Variants in KAZN observed in about 807,000 individuals in gnomAD.
KAZN encodes kazrin.
KAZN carries 40 observed loss-of-function variants against 87.4 expected under a neutral mutation model. The observed-to-expected ratio is 0.46, with a 90% confidence interval of 0.36 to 0.60. KAZN has a LOEUF of 0.60. Ranked by LOEUF, KAZN falls within the 20% of genes least tolerant of loss-of-function variation. The probability of loss-of-function intolerance (pLI) is 0.00; values close to 1 mark genes in which losing one functional copy is unlikely to be tolerated. For synonymous variants in KAZN, 466 were observed against 458.3 expected, an observed-to-expected ratio of 1.02 and a Z score of -0.22; for missense variants, 898 against 1,073.9, an observed-to-expected ratio of 0.84 and a Z score of 2.29.
In KAZN at chr1:14,943,010, GTGTGTGT is replaced by G. The variant is rs1557644854; in HGVS notation, c.227-17673_227-17667del. Reference sequence around the variant, plus strand: ...TGAGCTGCGTGTGTGTGTGTGTGGTGTGTGTGTGTGTGTGTGTGTGTGTGTGTGTGTG... The same window carrying G: ...TGAGCTGCGTGTGTGTGTGTGTGGTGGTGTGTGTGTGTGTGTGTGTGTGTG... On this transcript the variant is annotated intron_variant, in intron 1 of 14. Transcript: ENST00000376030. 6.1e-3 allele frequency among the ~76,000 whole-genome samples: 469 copies of G among 76,638 alleles called. 3 individuals carry two copies. The highest frequency in any genetic ancestry group is 0.019 in the Middle Eastern group (3 of 158). 50.3% of individuals were successfully genotyped at this position (76,638 alleles called of 152,430 possible). A position where few individuals can be genotyped will look rare whatever the true frequency, so the allele number is the denominator to read the frequency against.
intron 5 of KAZN, among the ~76,000 whole-genome samples, chr1:15,058,709 A>G (rs1638519078): frequency 6.6e-6 from 1 of 152,176 alleles, no homozygotes; most frequent in African/African-American, 2.4e-5. Flanking sequence ...TACAGATATG[A>G]TATGTAAATA....
intron 1 of KAZN, among the ~76,000 whole-genome samples, chr1:13,987,292 G>A (rs2101098268): frequency 6.6e-6 from 1 of 152,172 alleles, no homozygotes; most frequent in South Asian, 2.1e-4. Flanking sequence ...CATGCATCAG[G>A]TATTTGTCCT....
intron 1 of KAZN, among the ~76,000 whole-genome samples, chr1:13,990,997 G>C (rs550735012): frequency 6.6e-6 from 1 of 151,786 alleles, no homozygotes; most frequent in East Asian, 1.9e-4. Flanking sequence ...ATTTTTCCGA[G>C]CTCTGTGGTT....
intron 2 of KAZN, among the ~76,000 whole-genome samples, chr1:14,204,680 T>TA (rs1217251455): frequency 6.6e-6 from 1 of 152,354 alleles, no homozygotes; most frequent in Non-Finnish European, 1.5e-5. Context: ...CTTCTGGGAT[T>TA]AAAAAAACCT....
intron 10 of KAZN, among the ~76,000 whole-genome samples, chr1:15,100,853 C>T (rs1641027318): frequency 6.6e-6 from 1 of 152,196 alleles, no homozygotes; most frequent in Non-Finnish European, 1.5e-5. Flanking sequence ...GCCTGGCACA[C>T]CTGAGTGGAC....
At chr1:15,101,167 T>C (rs894258041) in intron 10 of KAZN, among the ~76,000 whole-genome samples, 1 of 148,620 alleles carries the variant, frequency 6.7e-6, no homozygotes, top group Non-Finnish European at 1.5e-5. Context: ...TCGGTCTTTC[T>C]CTCTCTCTCT....
chr1:15,001,715 G>A (rs562521716), intron 2 of KAZN, among the ~76,000 whole-genome samples: 10 of 152,178 alleles, frequency 6.6e-5, no homozygotes, highest in African/African-American at 2.4e-4. Context: ...CTCCTCGCCT[G>A]TGGGGTCGAC....
chr1:15,082,528 A>G (rs560052082), intron 8 of KAZN, among the ~76,000 whole-genome samples: 1 of 152,234 alleles, frequency 6.6e-6, no homozygotes, highest in Non-Finnish European at 1.5e-5. Flanking sequence ...CTAGAGCACT[A>G]AGTCTTTCCC....
chr1:13,893,684 A>G (rs1344765442), exon 1 of KAZN: 1 of 1,550,486 alleles, frequency 6.4e-7, no homozygotes, highest in Non-Finnish European at 8.7e-7. Flanking sequence ...CACGCTGGCG[A>G]CATCCAATTC....
At chr1:14,473,430 C>T (rs1048692480) in intron 2 of KAZN, among the ~76,000 whole-genome samples, 2 of 152,056 alleles carry the variant, frequency 1.3e-5, no homozygotes, top group African/African-American at 4.8e-5. Context: ...AGTTTGAGAC[C>T]AGCCTGACCA....
rs951973242 is a variant in KAZN at position 15,114,796 on chromosome 1, C to T, written c.*161C>T. On this transcript the variant is annotated 3_prime_UTR_variant, in exon 15 of 15. Transcript: ENST00000376030. Reference sequence around the variant, plus strand: ...GGACTCTGCGGTTTCAGCTCCACAGCGCCCAGGAGAGAGAAGACACCAGCC... The same window carrying T: ...GGACTCTGCGGTTTCAGCTCCACAGTGCCCAGGAGAGAGAAGACACCAGCC... 8.6e-5 allele frequency: 57 copies of T among 663,162 alleles called. No homozygotes were observed. The highest frequency in any genetic ancestry group is 7.0e-4 in the South Asian group (31 of 44,140). The allele number at this position is 663,162 out of a possible 1,614,324, so 41.1% of individuals were successfully genotyped here.
intron 2 of KAZN, among the ~76,000 whole-genome samples, chr1:15,030,004 A>G (rs1164490320): frequency 2.6e-5 from 4 of 152,158 alleles, no homozygotes; most frequent in Non-Finnish European, 5.9e-5. Flanking sequence ...CCAGCCCGCC[A>G]GCATGAAACC....
chr1:15,027,067 C>CTT lies in KAZN; in HGVS notation c.419-7681_419-7680dup, dbSNP rs1442824114. On this transcript the variant is annotated intron_variant, in intron 2 of 14. Transcript: ENST00000376030. ...ACTTAGGCAGATTCCCAAGCCAGTG[C>CTT]TTCTTTTTTTTTTTTTTTTTTTTTT... Among the ~76,000 whole-genome samples, 205 of 62,148 alleles carry CTT rather than the reference C, an allele frequency of 3.3e-3. 6 individuals are homozygous for CTT. Among genetic ancestry groups the CTT allele is most frequent in the African/African-American group, 0.01 (192 of 18,744 alleles). The allele number at this position is 62,148 out of a possible 152,430, so 40.8% of individuals were successfully genotyped here.
chr1:14,108,779 G>T (rs530480424), intron 1 of KAZN, among the ~76,000 whole-genome samples: 11 of 152,046 alleles, frequency 7.2e-5, no homozygotes, highest in Non-Finnish European at 1.5e-4. Flanking sequence ...AAGCATGCAC[G>T]TCCCATTTTA....
rs117755675 is a variant in KAZN at position 14,266,714 on chromosome 1, C to T, written c.249+86122C>T. 1.8e-3 allele frequency among the ~76,000 whole-genome samples: 281 copies of T among 152,190 alleles called. 3 individuals carry two copies. The East Asian group carries it at 0.045, about 24-fold the overall frequency. ...ATTCCATCGCAAGGGACACTCGCAC[C>T]CCCCCACACTCACACTGGGACGTAG... is the stretch of plus-strand genomic sequence containing the variant. On this transcript the variant is annotated intron_variant, in intron 2 of 16. Transcript: ENST00000636203.
intron 1 of KAZN, among the ~76,000 whole-genome samples, chr1:14,722,812 A>G (rs937030598): frequency 4.6e-5 from 7 of 152,150 alleles, no homozygotes; most frequent in Non-Finnish European, 8.8e-5. Context: ...AGTTTGAAGC[A>G]AATCCCAGGC....
intron 2 of KAZN, among the ~76,000 whole-genome samples, chr1:14,262,368 A>G (rs1651112766): frequency 6.6e-6 from 1 of 152,208 alleles, no homozygotes. Context: ...CATTCTGTAG[A>G]TAACCTATGT....
At chr1:14,407,532 G>C (rs145917502) in intron 2 of KAZN, among the ~76,000 whole-genome samples, 1 of 152,302 alleles carries the variant, frequency 6.6e-6, no homozygotes, top group African/African-American at 2.4e-5. Context: ...AGAGTTGCAA[G>C]AGAAGATGTG....
At chr1:13,912,387 G>C (rs192045135) in intron 1 of KAZN, among the ~76,000 whole-genome samples, 7 of 152,090 alleles carry the variant, frequency 4.6e-5, no homozygotes, top group African/African-American at 1.7e-4. Flanking sequence ...ACATGAAACC[G>C]TGTGCTGCTT....
Sources: allele counts gnomAD v4.1 joint callset (sites outside exome capture counted in the v4.1 genomes callset), GRCh38; gene constraint gnomAD v4.1.1; transcripts MANE v1.5; gene names NCBI Gene and HGNC (gene_info 2026-07-23, HGNC 2026-07-21).